The following ANKRD44 variants were observed in gnomAD, a reference collection of about 807,000 sequenced individuals.
ANKRD44 encodes ankyrin repeat domain 44, also known as serine/threonine-protein phosphatase 6 regulatory ankyrin repeat subunit B.
In ANKRD44, 35 loss-of-function variants were observed where a neutral mutation model predicts 116.0. The observed-to-expected ratio is 0.30, with a 90% confidence interval of 0.23 to 0.40. The LOEUF is 0.40. Among genes scored for constraint, ANKRD44 ranks in the 10% least tolerant of loss-of-function variants. ANKRD44 has a pLI of 1.00. For missense variants in ANKRD44, 1,014 were observed against 1,242.6 expected (o/e 0.82, Z 2.77); for synonymous variants, 435 against 461.8 (o/e 0.94, Z 0.74).
At position 197,086,784 on chromosome 2, in the gene ANKRD44, A is replaced by C. The variant is rs778176911; in HGVS notation, c.1248-36T>G. 2.5e-6 allele frequency: 4 copies of C among 1,597,366 alleles called. No individual in the cohort carries two copies. In the Admixed American group the frequency reaches 5.0e-5, roughly 20 times the overall value. On this transcript the variant is annotated intron_variant, in intron 12 of 27. Coordinates refer to ENST00000282272, the MANE Select transcript of ANKRD44 (RefSeq NM_001195144.2). ...AGGGAAAACATCATTAAGATGGAAG[A>C]GATCAATTACTGGCCTATCTTCAGC...
chr2:197,228,362 TTACTC>T (rs748882707), intron 1 of ANKRD44, among the ~76,000 whole-genome samples: 3 of 152,234 alleles, frequency 2.0e-5, no homozygotes, highest in Non-Finnish European at 4.4e-5. Context: ...ATGGTCATCA[TTACTC>T]TACCTGAGTC....
At chr2:197,273,405 AT>A (rs2082955480) in intron 1 of ANKRD44, among the ~76,000 whole-genome samples, 1 of 152,250 alleles carries the variant, frequency 6.6e-6, no homozygotes, top group African/African-American at 2.4e-5. Flanking sequence ...TCTGGGAAAT[AT>A]CCATTTTCAC....
At chr2:197,232,298 C>T (rs562973233) in intron 1 of ANKRD44, among the ~76,000 whole-genome samples, 2 of 152,294 alleles carry the variant, frequency 1.3e-5, no homozygotes, top group South Asian at 4.1e-4. Context: ...GTATAAGCAT[C>T]TACTATTCCA....
At chr2:197,292,941 G>T (rs765294445) in intron 1 of ANKRD44, among the ~76,000 whole-genome samples, 48 of 152,164 alleles carry the variant, frequency 3.2e-4, no homozygotes, top group Non-Finnish European at 4.6e-4. Flanking sequence ...CTGTTTCCTT[G>T]ACTGGAGAAG....
At chr2:196,967,362 A>G (rs1353724892) in exon 22 of ANKRD44, 1 of 464,038 alleles carries the variant, frequency 2.2e-6, no homozygotes, top group Non-Finnish European at 4.5e-6. Flanking sequence ...TGGCTGGGAT[A>G]AAGTGCATTC....
intron 18 of ANKRD44, among the ~76,000 whole-genome samples, chr2:197,010,900 A>AT (rs1251097502): frequency 6.6e-6 from 1 of 152,156 alleles, no homozygotes; most frequent in African/African-American, 2.4e-5. Context: ...ACAATGACAC[A>AT]TTTTTTCAGG....
chr2:197,078,101 T>C (rs751352131), intron 16 of ANKRD44: 1 of 153,150 alleles, frequency 6.5e-6, no homozygotes, highest in Non-Finnish European at 1.5e-5. Context: ...ACAAAAGTAC[T>C]ATAGAACAGC....
chr2:197,094,754 T>C (rs1430505889), intron 10 of ANKRD44, among the ~76,000 whole-genome samples: 3 of 152,222 alleles, frequency 2.0e-5, no homozygotes, highest in African/African-American at 7.2e-5. Flanking sequence ...ACAAACCAAT[T>C]TCTTATGAAT....
intron 1 of ANKRD44, among the ~76,000 whole-genome samples, chr2:197,231,334 G>GC (rs2081857468): frequency 6.6e-6 from 1 of 152,052 alleles, no homozygotes; most frequent in Non-Finnish European, 1.5e-5. Flanking sequence ...AGAGGCTGAG[G>GC]TAAGAAGTTC....
chr2:197,050,870 C>A (rs1329093397), intron 16 of ANKRD44, among the ~76,000 whole-genome samples: 1 of 152,096 alleles, frequency 6.6e-6, no homozygotes, highest in Admixed American at 6.6e-5. Context: ...ATATAAATTA[C>A]CCTTGGTTAT....
At chr2:196,991,459 T>G (rs149486155) in intron 27 of ANKRD44, among the ~76,000 whole-genome samples, 25 of 152,350 alleles carry the variant, frequency 1.6e-4, no homozygotes, top group Admixed American at 2.6e-4. Context: ...TCACTTTATA[T>G]ATGCTTCATA....
intron 1 of ANKRD44, among the ~76,000 whole-genome samples, chr2:197,298,306 C>A (rs1169953971): frequency 6.6e-6 from 1 of 152,196 alleles, no homozygotes; most frequent in Non-Finnish European, 1.5e-5. Flanking sequence ...ACTGGACAAG[C>A]CAAATCCAGG....
intron 3 of ANKRD44, among the ~76,000 whole-genome samples, chr2:197,139,697 G>T (rs2079310124): frequency 6.6e-6 from 1 of 151,926 alleles, no homozygotes; most frequent in Non-Finnish European, 1.5e-5. Context: ...CTAAAACTTA[G>T]TGGAAGGTAT....
intron 10 of ANKRD44, among the ~76,000 whole-genome samples, chr2:197,092,070 T>C (rs2078055229): frequency 6.6e-6 from 1 of 152,180 alleles, no homozygotes; most frequent in South Asian, 2.1e-4. Context: ...CTACATCTTC[T>C]TCAGCAAGGA....
At chr2:197,020,550 T>G (rs1241991353) in intron 17 of ANKRD44, among the ~76,000 whole-genome samples, 1 of 152,098 alleles carries the variant, frequency 6.6e-6, no homozygotes, top group Non-Finnish European at 1.5e-5. Flanking sequence ...TTTAAGAAAG[T>G]TTACAAATTT....
chr2:197,120,929 C>CT (rs750544648), intron 8 of ANKRD44, among the ~76,000 whole-genome samples: 1,810 of 139,944 alleles, frequency 0.013, 89 homozygotes, highest in African/African-American at 0.035. Context: ...AATAACACAA[C>CT]TTTTTTTTTT....
intron 13 of ANKRD44, 29 bp from the exon 14 acceptor site, chr2:197,083,538 C>T (rs2077847257): frequency 1.2e-6 from 2 of 1,601,630 alleles, no homozygotes; most frequent in Admixed American, 3.4e-5. Flanking sequence ...TTTATTACTC[C>T]ATTCAGTCTA....
In ANKRD44 at chr2:196,991,098, T is replaced by C. The variant is rs3795914; in HGVS notation, c.2924-1449A>G. ...TCACAAGTCATGCTAGGGGTGAGGC[T>C]AGAGGGGGAGGGAGGGGGAGACATT... On this transcript the variant is annotated intron_variant, in intron 27 of 27. Coordinates refer to ENST00000282272, the MANE Select transcript of ANKRD44 (RefSeq NM_001195144.2). 9.2e-5 allele frequency among the ~76,000 whole-genome samples: 14 copies of C among 151,848 alleles called. No homozygotes were observed. In the East Asian group the frequency reaches 2.5e-3, roughly 27 times the overall value.
At chr2:197,257,070 C>A (rs2082468214) in intron 1 of ANKRD44, among the ~76,000 whole-genome samples, 1 of 152,194 alleles carries the variant, frequency 6.6e-6, no homozygotes, top group Non-Finnish European at 1.5e-5. Flanking sequence ...AACACCAATC[C>A]AATCCCCAAG....
Sources: allele counts gnomAD v4.1 joint callset (sites outside exome capture counted in the v4.1 genomes callset), GRCh38; gene constraint gnomAD v4.1.1; transcripts MANE v1.5; gene names NCBI Gene and HGNC (gene_info 2026-07-23, HGNC 2026-07-21).